The following ASAP1 variants were observed in gnomAD, a reference collection of about 807,000 sequenced individuals.
The protein encoded by ASAP1 is ArfGAP with SH3 domain, ankyrin repeat and PH domain 1.
A neutral mutation model predicts 145.2 loss-of-function variants in ASAP1; 43 were observed. The observed-to-expected ratio is 0.30, with a 90% confidence interval of 0.23 to 0.38. The LOEUF is 0.38. ASAP1 is among the 10% of genes least tolerant of loss of function. ASAP1 has a pLI of 1.00. For synonymous variants in ASAP1, 546 were observed against 515.5 expected (o/e 1.06, Z -0.80); for missense variants, 1,018 against 1,355.3 (o/e 0.75, Z 3.91).
chr8:130,121,360 C>A (rs974808512), intron 18 of ASAP1, among the ~76,000 whole-genome samples: 1 of 152,204 alleles, frequency 6.6e-6, no homozygotes, highest in Non-Finnish European at 1.5e-5. Context: ...ATGTTTAGCA[C>A]CATCCCTGAC....
intron 5 of ASAP1, among the ~76,000 whole-genome samples, chr8:130,213,282 G>C (rs1041672824): frequency 6.6e-6 from 1 of 152,192 alleles, no homozygotes; most frequent in Non-Finnish European, 1.5e-5. Flanking sequence ...TATTCGCTGT[G>C]TAAGATTAAT....
chr8:130,119,894 A>G (rs1353566950), intron 18 of ASAP1, among the ~76,000 whole-genome samples: 1 of 152,034 alleles, frequency 6.6e-6, no homozygotes, highest in Non-Finnish European at 1.5e-5. Flanking sequence ...CTTCCTTCTG[A>G]GAGGGCTCTA....
intron 3 of ASAP1, among the ~76,000 whole-genome samples, chr8:130,263,092 G>A (rs1185668584): frequency 6.6e-6 from 1 of 152,206 alleles, no homozygotes; most frequent in African/African-American, 2.4e-5. Flanking sequence ...AATATGAATA[G>A]CTCCCTTTGA....
chr8:130,225,137 A>AT (rs1293952175), intron 4 of ASAP1, among the ~76,000 whole-genome samples: 2 of 152,100 alleles, frequency 1.3e-5, no homozygotes, highest in African/African-American at 2.4e-5. Flanking sequence ...CAATGCTAGT[A>AT]TTTTTCCTAT....
At chr8:130,416,721 C>A (rs895903708) in intron 1 of ASAP1, among the ~76,000 whole-genome samples, 2 of 152,246 alleles carry the variant, frequency 1.3e-5, no homozygotes, top group Non-Finnish European at 2.9e-5. Context: ...TTTGGCTCAG[C>A]TACCTGCTTA....
rs1816612494 is a variant in ASAP1, at chr8:130,211,990, GC to G, written c.405+2565del. Among the ~76,000 whole-genome samples, 4 of 152,320 alleles carry G rather than the reference GC, an allele frequency of 2.6e-5. No individual in the cohort carries two copies. The South Asian group carries it at 8.3e-4, about 32-fold the overall frequency. ...TGCTGCTCAGCTGGGGGCTGCAGGT[GC>G]TGCACGAAGATCCAGAACCCTGACC... On this transcript the variant is annotated intron_variant, in intron 5 of 29. Coordinates refer to ENST00000518721, the MANE Select transcript of ASAP1 (RefSeq NM_018482.4).
At chr8:130,373,588 C>A (rs1273529109) in intron 2 of ASAP1, among the ~76,000 whole-genome samples, 2 of 152,148 alleles carry the variant, frequency 1.3e-5, no homozygotes, top group Non-Finnish European at 2.9e-5. Flanking sequence ...GTGGCTCACG[C>A]CTGTTATCCC....
At chr8:130,169,333 C>T (rs1813420620) in intron 9 of ASAP1, among the ~76,000 whole-genome samples, 1 of 152,204 alleles carries the variant, frequency 6.6e-6, no homozygotes, top group East Asian at 1.9e-4. Context: ...CTGGAAATTA[C>T]AGTTGCAGTC....
intron 3 of ASAP1, among the ~76,000 whole-genome samples, chr8:130,323,171 G>A (rs574235347): frequency 1.2e-4 from 18 of 152,306 alleles, no homozygotes; most frequent in Admixed American, 1.0e-3. Flanking sequence ...TTAAGACTCC[G>A]TTCTGGATCA....
At chr8:130,274,246 A>G (rs1309988151) in intron 3 of ASAP1, among the ~76,000 whole-genome samples, 1 of 152,248 alleles carries the variant, frequency 6.6e-6, no homozygotes, top group African/African-American at 2.4e-5. Flanking sequence ...AATGACTGAT[A>G]CTATGAAGAT....
intron 3 of ASAP1, among the ~76,000 whole-genome samples, chr8:130,247,419 C>T (rs753565920): frequency 6.6e-6 from 1 of 151,936 alleles, no homozygotes; most frequent in Non-Finnish European, 1.5e-5. Context: ...AATAAGAGAG[C>T]CAGGATTCCA....
intron 3 of ASAP1, among the ~76,000 whole-genome samples, chr8:130,267,888 T>G (rs913264032): frequency 6.6e-6 from 1 of 152,186 alleles, no homozygotes; most frequent in Non-Finnish European, 1.5e-5. Flanking sequence ...TAGGAGCAGC[T>G]GAAAAAGTAG....
At chr8:130,077,732 A>G (rs2097466629) in intron 26 of ASAP1, among the ~76,000 whole-genome samples, 1 of 152,072 alleles carries the variant, frequency 6.6e-6, no homozygotes, top group Non-Finnish European at 1.5e-5. Context: ...CAAAGAGAGA[A>G]GATGAAAGGT....
chr8:130,175,097 T>A (rs1813860972), intron 9 of ASAP1, among the ~76,000 whole-genome samples: 1 of 152,208 alleles, frequency 6.6e-6, no homozygotes, highest in Non-Finnish European at 1.5e-5. Context: ...CACCAAGACT[T>A]TTTTTGTTTT....
chr8:130,336,234 T>C (rs1825026220), intron 3 of ASAP1, among the ~76,000 whole-genome samples: 1 of 152,084 alleles, frequency 6.6e-6, no homozygotes, highest in Non-Finnish European at 1.5e-5. Flanking sequence ...ATAATCACAG[T>C]GGGGGAGAAG....
chr8:130,413,951 A>G (rs943962519), intron 1 of ASAP1, among the ~76,000 whole-genome samples: 2 of 152,164 alleles, frequency 1.3e-5, no homozygotes, highest in Non-Finnish European at 2.9e-5. Flanking sequence ...GCCTATGAGG[A>G]GCCCACCCAA....
chr8:130,213,052 G>C (rs1035588150), intron 5 of ASAP1, among the ~76,000 whole-genome samples: 3 of 152,164 alleles, frequency 2.0e-5, no homozygotes, highest in African/African-American at 7.2e-5. Context: ...CTTTGAGCAA[G>C]GCCTCCAGTG....
In ASAP1 at chr8:130,358,064, T is replaced by C; in HGVS notation, c.139A>G (p.Thr47Ala). ...TTCCTGCAGTTGTGCAGCCGCGTGGTGAAGCTGGACGTGGTGGGCGAGTTG... is the reference window on the plus strand; with the variant it reads ...TTCCTGCAGTTGTGCAGCCGCGTGGCGAAGCTGGACGTGGTGGGCGAGTTG... ...DYNSPTTSSF[T>A]TRLHNCRNTV... The change falls in exon 3 of 30, where the codon ACC becomes GCC. Residue 47 changes from threonine (T) to alanine (A), a missense_variant. Thr to Ala is a moderately conservative substitution (Grantham distance 58). This residue lies in a region of ASAP1 where 106 missense variants were observed against 134.5 expected (regional missense o/e 0.79). Coordinates refer to ENST00000518721, the MANE Select transcript of ASAP1 (RefSeq NM_018482.4). The surrounding 1 kb of genome is among the most constrained non-coding windows in gnomAD (Gnocchi z 4.1). 6.2e-7 allele frequency: 1 copy of C among 1,610,118 alleles called. No homozygotes were observed. Among genetic ancestry groups the C allele is most frequent in the Non-Finnish European group, 8.5e-7 (1 of 1,178,846 alleles).
intron 2 of ASAP1, among the ~76,000 whole-genome samples, chr8:130,387,291 T>C (rs1056358481): frequency 2.6e-5 from 4 of 152,096 alleles, no homozygotes; most frequent in African/African-American, 4.8e-5. Context: ...ATCCCGGCAT[T>C]TGGGGAGGCC....
Sources: allele counts gnomAD v4.1 joint callset (sites outside exome capture counted in the v4.1 genomes callset), GRCh38; gene constraint gnomAD v4.1.1; regional missense constraint gnomAD v4.1.1; non-coding constraint Gnocchi (gnomAD v3.1); transcripts MANE v1.5; gene names NCBI Gene and HGNC (gene_info 2026-07-23, HGNC 2026-07-21).